Variants in NFKBIB observed in about 807,000 individuals in gnomAD.
NFKBIB encodes the protein NF-kappa-B inhibitor beta.
Under a neutral mutation model 32.1 loss-of-function variants are expected in NFKBIB, and 16 were observed. The ratio of observed to expected loss-of-function variants is 0.50; its 90% CI spans 0.34 to 0.76. The LOEUF is 0.76. NFKBIB is among the 30% of genes least tolerant of loss of function. NFKBIB has a pLI of 0.01. For synonymous variants in NFKBIB, 222 were observed against 219.5 expected (o/e 1.01, Z -0.10); for missense variants, 437 against 514.9 (o/e 0.85, Z 1.46).
intron 1 of NFKBIB, among the ~76,000 whole-genome samples, chr19:38,901,124 T>G (rs1214712985): frequency 6.6e-6 from 1 of 152,142 alleles, no homozygotes; most frequent in Non-Finnish European, 1.5e-5. Context: ...TGTACTGGGT[T>G]TTTTGTCTGT....
intron 5 of NFKBIB, chr19:38,907,938 G>C: frequency 1.6e-6 from 2 of 1,289,106 alleles, no homozygotes; most frequent in Non-Finnish European, 2.0e-6. Context: ...ACACAGCGGG[G>C]GTGGGTGGTA....
rs533411032 is a variant in NFKBIB at position 38,907,654 on chromosome 19, G to C, written c.964G>C (p.Glu322Gln). The C allele has an allele frequency of 1.2e-6, 2 of 1,601,990 alleles. No homozygotes were observed. The highest frequency in any genetic ancestry group is 1.7e-5 in the Admixed American group (1 of 58,278). Reference protein sequence around the residue: ...SSSSDSDSGDEGDEYDDIVVH... With the variant: ...SSSSDSDSGDQGDEYDDIVVH... ...CAGTAGCGACAGCGACAGCGGAGAC[G>C]AGGGCGTGAGTCAGGAGGAGAGACA... Residue 322 changes from glutamate (E) to glutamine (Q), a missense_variant, in exon 5 of 6, where the codon GAG becomes CAG. Coordinates refer to ENST00000313582, the MANE Select transcript of NFKBIB (RefSeq NM_002503.5).
chr19:38,899,708 C>T, upstream of NFKBIB: 5 of 864,992 alleles, frequency 5.8e-6, no homozygotes, highest in Non-Finnish European at 7.5e-6. Context: ...CGCAGACGCG[C>T]TTTCGTACAA....
rs767943290 is a variant in NFKBIB at position 38,905,347 on chromosome 19, G to A, written c.431G>A (p.Arg144His). Residue 144 changes from arginine (R) to histidine (H), a missense_variant, in exon 3 of 6, where the codon CGT becomes CAT. Coordinates refer to ENST00000313582, the MANE Select transcript of NFKBIB (RefSeq NM_002503.5). The surrounding 1 kb of genome is among the most constrained non-coding windows in gnomAD (Gnocchi z 5.5). Reference sequence around the variant, plus strand: ...CGTGTGGGGGCACACGCCTGTGCCCGTGCCCTGCTTCAGCCCCGCCCCCGG... The same window carrying A: ...CGTGTGGGGGCACACGCCTGTGCCCATGCCCTGCTTCAGCCCCGCCCCCGG... ...ACRVGAHACA[R>H]ALLQPRPRRP... The A allele has an allele frequency of 1.1e-5, 18 of 1,611,130 alleles. No individual in the cohort carries two copies. The highest frequency in any genetic ancestry group is 3.3e-5 in the South Asian group (3 of 90,970).
intron 5 of NFKBIB, 70 bp from the exon 6 acceptor site, chr19:38,908,661 T>C: frequency 6.6e-7 from 1 of 1,525,674 alleles, no homozygotes; most frequent in South Asian, 1.3e-5. Flanking sequence ...TAGGGTGCTC[T>C]ATGAGGACAT....
In NFKBIB at chr19:38,907,552, A is replaced by C; in HGVS notation, c.862A>C (p.Ile288Leu). Residue 288 changes from isoleucine to leucine, a missense_variant, in exon 5 of 6, where the codon ATC becomes CTC. Ile to Leu is a conservative substitution (Grantham distance 5). Transcript: ENST00000313582. The part of the protein sequence containing the change: ...LGSAMLRPNP[I>L]LARLLRAHGA... ...CAGTGCCATGCTCCGGCCCAACCCC[A>C]TCCTCGCCCGCCTCCTCCGTGCACA... The C allele has an allele frequency of 6.2e-7, 1 of 1,612,434 alleles. No homozygotes were observed. The highest frequency in any genetic ancestry group is 1.1e-5 in the South Asian group (1 of 91,042).
Position 38,907,360 on chromosome 19 carries a change from C to G in NFKBIB, c.709-39C>G, listed in dbSNP as rs1974166609. ...CCGTCGGCGGGAGGGGGCTTGTCCC[C>G]TCTTCGGGCCCTCTGACCTTTCTGT... On this transcript the variant is annotated intron_variant, in intron 4 of 5. Transcript: ENST00000313582. 3 of 1,596,800 alleles carry G rather than the reference C, an allele frequency of 1.9e-6. No individual in the cohort carries two copies. The African/African-American group carries it at 4.0e-5, about 21-fold the overall frequency.
Position 38,907,324 on chromosome 19 carries a change from C to CG in NFKBIB, c.708+19dup. The CG allele has an allele frequency of 6.2e-7, 1 of 1,609,448 alleles. No homozygotes were observed. The highest frequency in any genetic ancestry group is 8.5e-7 in the Non-Finnish European group (1 of 1,176,474). On this transcript the variant is annotated intron_variant, in intron 4 of 5. Transcript: ENST00000313582. ...TTGACAAACCGGTGAGCCCCAACCTCGGGGAAGATGCCGTCGGCGGGAGGG... is the reference window on the plus strand; with the variant it reads ...TTGACAAACCGGTGAGCCCCAACCTCGGGGGAAGATGCCGTCGGCGGGAGGG...
chr19:38,907,656 G>C lies in NFKBIB; in HGVS notation c.966G>C (p.Glu322Asp). 1.2e-6 allele frequency: 2 copies of C among 1,601,756 alleles called. No individual in the cohort carries two copies. The highest frequency in any genetic ancestry group is 1.7e-6 in the Non-Finnish European group (2 of 1,174,556). ...GTAGCGACAGCGACAGCGGAGACGA[G>C]GGCGTGAGTCAGGAGGAGAGACAGG... ...SSSSDSDSGD[E>D]GDEYDDIVVH... The change falls in exon 5 of 6, where the codon GAG (glutamate) becomes GAC (aspartate). Residue 322 changes from glutamate (E) to aspartate (D), a missense_variant. Transcript: ENST00000313582.
intron 1 of NFKBIB, among the ~76,000 whole-genome samples, chr19:38,901,569 C>T (rs1973965765): frequency 6.6e-6 from 1 of 151,986 alleles, no homozygotes. Flanking sequence ...TCTCTGCTCG[C>T]TGAAACCTCT....
chr19:38,907,580 G>A lies in NFKBIB; in HGVS notation c.890G>A (p.Gly297Glu). 1 of 1,612,416 alleles carries A rather than the reference G, an allele frequency of 6.2e-7. No individual in the cohort carries two copies. Among genetic ancestry groups the A allele is most frequent in the South Asian group, 1.1e-5 (1 of 91,036 alleles). ...PILARLLRAH[G>E]APEPEGEDEK... ...CTCGCCCGCCTCCTCCGTGCACACG[G>A]AGCCCCTGAGCCCGAGGGCGAGGAC... The change falls in exon 5 of 6, where the codon GGA becomes GAA. Residue 297 changes from glycine (G) to glutamate (E), a missense_variant. Gly to Glu is a moderately conservative substitution (Grantham distance 98, BLOSUM62 -2). Coordinates refer to ENST00000313582, the MANE Select transcript of NFKBIB (RefSeq NM_002503.5).
chr19:38,908,273 G>A, intron 5 of NFKBIB: 1 of 992,924 alleles, frequency 1.0e-6, no homozygotes, highest in Non-Finnish European at 1.2e-6. Flanking sequence ...AGGTGCGGTG[G>A]CTCACGCCTG....
chr19:38,905,442 C>T lies in NFKBIB; in HGVS notation c.526C>T (p.Pro176Ser). 1 of 1,614,068 alleles carries T rather than the reference C, an allele frequency of 6.2e-7. No homozygotes were observed. The highest frequency in any genetic ancestry group is 8.5e-7 in the Non-Finnish European group (1 of 1,179,998). ...PDRTPDTNHT[P>S]VALYPDSDLE... ...CCGTACTCCCGACACCAACCATACC[C>T]CTGTCGCCTTGTACCCCGATTCCGA... The change falls in exon 3 of 6, where the codon CCT becomes TCT. Residue 176 changes from proline to serine, a missense_variant. Transcript: ENST00000313582. This position sits in a 1 kb window ranked among gnomAD's most constrained non-coding sequence, Gnocchi z 5.5.
Position 38,900,047 on chromosome 19 carries a change from G to C in NFKBIB, c.15G>C (p.Ala5=). Residue 5 remains alanine (A), a synonymous_variant, in exon 1 of 6, where the codon GCG becomes GCC. Coordinates refer to ENST00000313582, the MANE Select transcript of NFKBIB (RefSeq NM_002503.5). ...CGGCGGGGGCCATGGCTGGGGTCGC[G>C]TGCTTGGGAAAAGCTGCCGACGCAG... The part of the protein sequence containing the change: MAGV[A]CLGKAADADE... 6.7e-7 allele frequency: 1 copy of C among 1,490,082 alleles called. No homozygotes were observed. Among genetic ancestry groups the C allele is most frequent in the Non-Finnish European group, 8.9e-7 (1 of 1,121,992 alleles). The allele number at this position is 1,490,082 out of a possible 1,614,324, so 92.3% of individuals were successfully genotyped here.
At chr19:38,907,134 G>A in intron 3 of NFKBIB, 87 bp from the exon 4 acceptor site, 3 of 1,242,698 alleles carry the variant, frequency 2.4e-6, no homozygotes, top group Non-Finnish European at 3.4e-6. Flanking sequence ...TCACCCTCAC[G>A]CCACATGACC....
chr19:38,908,036 G>A (rs1974200161), intron 5 of NFKBIB: 3 of 1,096,672 alleles, frequency 2.7e-6, no homozygotes, highest in Non-Finnish European at 3.3e-6. Flanking sequence ...AACACCGGCA[G>A]TGCTGGGGCA....
At position 38,900,012 on chromosome 19, in the gene NFKBIB, G is replaced by A. The variant is rs1419972207; in HGVS notation, c.-21G>A. The A allele has an allele frequency of 4.1e-6, 6 of 1,448,204 alleles. No individual in the cohort carries two copies. The highest frequency in any genetic ancestry group is 1.4e-5 in the African/African-American group (1 of 70,054). The allele number at this position is 1,448,204 out of a possible 1,614,324, so 89.7% of individuals were successfully genotyped here. On this transcript the variant is annotated 5_prime_UTR_variant, in exon 1 of 6. Coordinates refer to ENST00000313582, the MANE Select transcript of NFKBIB (RefSeq NM_002503.5). ...AGCTACAGGCGGGCGACTGCGGGGG[G>A]CCCCTGAGGCGGCGGGGGCCATGGC... is the stretch of plus-strand genomic sequence containing the variant.
chr19:38,900,269 T>G, intron 1 of NFKBIB, 58 bp downstream of exon 1: 2 of 1,493,192 alleles, frequency 1.3e-6, no homozygotes, highest in Non-Finnish European at 1.8e-6. Context: ...CATTCCTCAT[T>G]AATCTCTGAT....
At position 38,908,730 on chromosome 19, in the gene NFKBIB, G is replaced by T. The variant is rs761635530; in HGVS notation, c.970-1G>T. On this transcript the variant is annotated splice_acceptor_variant, in intron 5 of 5. Coordinates refer to ENST00000313582, the MANE Select transcript of NFKBIB (RefSeq NM_002503.5). LOFTEE classifies it high-confidence loss of function. ...CTCTGCCTGGTCCCCTTTGCCCCCA[G>T]GATGAATACGACGACATTGTGGTTC... 1 of 1,612,160 alleles carries T rather than the reference G, an allele frequency of 6.2e-7. No homozygotes were observed. The highest frequency in any genetic ancestry group is 2.2e-5 in the East Asian group (1 of 44,746).
Sources: gnomAD v4.1 joint callset for allele counts (sites outside exome capture counted in the v4.1 genomes callset) on GRCh38, gnomAD v4.1.1 for gene constraint, Gnocchi (gnomAD v3.1) non-coding constraint, MANE v1.5 for transcripts, NCBI Gene and HGNC (gene_info 2026-07-23, HGNC 2026-07-21) for gene names.